The following SIAH1 variants were observed in gnomAD, a reference collection of about 807,000 sequenced individuals.
The protein encoded by SIAH1 is E3 ubiquitin-protein ligase SIAH1.
SIAH1 carries 2 observed loss-of-function variants against 20.0 expected under a neutral mutation model. That is an observed-to-expected ratio of 0.10 (90% confidence interval 0.04 to 0.31). SIAH1 has a LOEUF of 0.31. Ranked by LOEUF, SIAH1 falls within the 10% of genes least tolerant of loss-of-function variation. The pLI, the probability that SIAH1 is intolerant of heterozygous loss-of-function variation, is 1.00. For synonymous variants in SIAH1, 118 were observed against 125.3 expected (o/e 0.94, Z 0.39); for missense variants, 119 against 355.3 (o/e 0.33, Z 5.35).
At position 48,361,422 on chromosome 16, in the gene SIAH1, G is replaced by A; in HGVS notation, c.*158C>T. 1.5e-6 allele frequency: 1 copy of A among 658,924 alleles called. No individual in the cohort carries two copies. The highest frequency in any genetic ancestry group is 2.6e-6 in the Non-Finnish European group (1 of 385,658). 40.8% of individuals were successfully genotyped at this position (658,924 alleles called of 1,614,324 possible). On this transcript the variant is annotated 3_prime_UTR_variant, in exon 2 of 2. Transcript: ENST00000394725. Reference sequence around the variant, plus strand: ...TTTAAATATATTAGTGTTACTACATGCAACTGTTTCCTGTATTTAACAGCC... The same window carrying A: ...TTTAAATATATTAGTGTTACTACATACAACTGTTTCCTGTATTTAACAGCC...
intron 1 of SIAH1, among the ~76,000 whole-genome samples, chr16:48,369,833 C>G (rs1960937742): frequency 6.6e-6 from 1 of 152,214 alleles, no homozygotes; most frequent in South Asian, 2.1e-4. Context: ...TACTAAGCTC[C>G]TAACTTTGTC....
intron 1 of SIAH1, among the ~76,000 whole-genome samples, chr16:48,368,847 G>A (rs74742246): frequency 0.082 from 12,500 of 152,136 alleles, 553 homozygotes; most frequent in Middle Eastern, 0.11. Context: ...ATAGGTATCA[G>A]ATTACAAATT....
intron 1 of SIAH1, among the ~76,000 whole-genome samples, chr16:48,375,183 G>GT (rs1435457949): frequency 9.8e-5 from 15 of 152,326 alleles, no homozygotes; most frequent in Middle Eastern, 3.4e-3. Flanking sequence ...GAGTGAGTGT[G>GT]TATGGATGCC....
At position 48,381,735 on chromosome 16, in the gene SIAH1, A is replaced by G. The variant is rs189265215; in HGVS notation, c.-3+3469T>C. On this transcript the variant is annotated intron_variant, in intron 1 of 1. Coordinates refer to ENST00000394725, the MANE Select transcript of SIAH1 (RefSeq NM_003031.4). ...CTATGGTGACAATAAAAGAAAGAAG[A>G]TAAGTGGTTGGGGGTGTGGGGACAA... 3.0e-3 allele frequency among the ~76,000 whole-genome samples: 459 copies of G among 152,342 alleles called. 3 individuals are homozygous for G. Among genetic ancestry groups the G allele is most frequent in the Non-Finnish European group, 2.9e-3 (199 of 68,024 alleles).
At chr16:48,371,643 C>T (rs2151050393) in intron 1 of SIAH1, among the ~76,000 whole-genome samples, 1 of 152,282 alleles carries the variant, frequency 6.6e-6, no homozygotes, top group Middle Eastern at 3.4e-3. Flanking sequence ...CCACACATTA[C>T]TAAAATTTTT....
At chr16:48,379,250 G>C (rs1961193774) in intron 1 of SIAH1, among the ~76,000 whole-genome samples, 2 of 152,054 alleles carry the variant, frequency 1.3e-5, no homozygotes, top group African/African-American at 2.4e-5. Context: ...GGGGGGGCGA[G>C]GGGAAGGCAG....
intron 1 of SIAH1, among the ~76,000 whole-genome samples, chr16:48,368,982 A>ATAATACATT: frequency 6.6e-6 from 1 of 152,182 alleles, no homozygotes; most frequent in Non-Finnish European, 1.5e-5. Flanking sequence ...ACATTGTGGC[A>ATAATACATT]GGTATTATGT....
chr16:48,361,778 T>C lies in SIAH1; in HGVS notation c.651A>G (p.Gln217=). 1 of 1,614,184 alleles carries C rather than the reference T, an allele frequency of 6.2e-7. No homozygotes were observed. Among genetic ancestry groups the C allele is most frequent in the Non-Finnish European group, 8.5e-7 (1 of 1,180,024 alleles). Residue 217 remains glutamine, a synonymous_variant, in exon 2 of 2, where the codon CAA becomes CAG. Transcript: ENST00000394725. ...CAAGTCGGTAAGCAAAATTTTCAGC[T>C]TGCTTGCGTGTTCCTATCAGCTGTA... ...AIVQLIGTRK[Q]AENFAYRLEL... is the part of the protein sequence containing the mutation.
In SIAH1 at chr16:48,361,563, A is replaced by G. The variant is rs771707843; in HGVS notation, c.*17T>C. On this transcript the variant is annotated 3_prime_UTR_variant, in exon 2 of 2. Coordinates refer to ENST00000394725, the MANE Select transcript of SIAH1 (RefSeq NM_003031.4). ...CTGAAGTTTTAAACACTGGCCAGAA[A>G]ATGTTTGATTGCCATTTCAACACAT... 4.4e-6 allele frequency: 7 copies of G among 1,608,452 alleles called. No individual in the cohort carries two copies. The highest frequency in any genetic ancestry group is 5.9e-6 in the Non-Finnish European group (7 of 1,177,568).
chr16:48,376,972 T>C (rs1217440731), intron 1 of SIAH1, among the ~76,000 whole-genome samples: 1 of 152,202 alleles, frequency 6.6e-6, no homozygotes, highest in African/African-American at 2.4e-5. Context: ...AAGTAATCTT[T>C]CCAAGGTAGA....
Position 48,362,446 on chromosome 16 carries a change from A to G in SIAH1, c.-2-16T>C. 6.2e-7 allele frequency: 1 copy of G among 1,611,952 alleles called. No individual in the cohort carries two copies. The highest frequency in any genetic ancestry group is 8.5e-7 in the Non-Finnish European group (1 of 1,178,426). On this transcript the variant is annotated splice_polypyrimidine_tract_variant and intron_variant, in intron 1 of 1. Transcript: ENST00000394725. This position sits in a 1 kb window ranked among gnomAD's most constrained non-coding sequence, Gnocchi z 4.2. ...CGGCTCATTTCTGAAATAAATACAT[A>G]AGGAGGCAGGAGAAAAATAATTATA...
intron 1 of SIAH1, among the ~76,000 whole-genome samples, chr16:48,372,001 A>G (rs1377290190): frequency 6.6e-6 from 1 of 151,680 alleles, no homozygotes; most frequent in Non-Finnish European, 1.5e-5. Context: ...GTAGGTAAGT[A>G]TGTATACACA....
intron 1 of SIAH1, among the ~76,000 whole-genome samples, chr16:48,372,340 T>G (rs575220113): frequency 6.6e-6 from 1 of 152,334 alleles, no homozygotes; most frequent in East Asian, 1.9e-4. Context: ...GCAAACCATT[T>G]TAGTTATTTC....
intron 1 of SIAH1, among the ~76,000 whole-genome samples, chr16:48,376,407 G>A (rs1961110613): frequency 6.6e-6 from 1 of 151,800 alleles, no homozygotes; most frequent in Non-Finnish European, 1.5e-5. Context: ...TCAAATAGAT[G>A]GATACTTACA....
chr16:48,377,749 A>G (rs1053322640), intron 1 of SIAH1, among the ~76,000 whole-genome samples: 9 of 151,956 alleles, frequency 5.9e-5, no homozygotes, highest in African/African-American at 2.2e-4. Context: ...GTCAGAAAGT[A>G]TTTGAGATGG....
rs370886773 is a variant in SIAH1 at position 48,369,856 on chromosome 16, C to G, written c.-2-7426G>C. Among the ~76,000 whole-genome samples the G allele has an allele frequency of 2.4e-4, 36 of 152,320 alleles. No homozygotes were observed. In the South Asian group the frequency reaches 7.5e-3, roughly 32 times the overall value. The stretch of plus-strand genomic sequence containing the variant: ...TCCTAACTTTGTCAAAGCAATTAAT[C>G]AAACCTAACTACACCTGAATCCTTA... On this transcript the variant is annotated intron_variant, in intron 1 of 1. Transcript: ENST00000394725.
chr16:48,383,900 G>A (rs536944175), intron 1 of SIAH1, among the ~76,000 whole-genome samples: 3 of 152,334 alleles, frequency 2.0e-5, no homozygotes, highest in African/African-American at 7.2e-5. Context: ...TTAAACTACA[G>A]TCTTAACAGT....
intron 1 of SIAH1, among the ~76,000 whole-genome samples, chr16:48,378,077 C>T (rs937743897): frequency 3.3e-5 from 5 of 152,100 alleles, no homozygotes; most frequent in Non-Finnish European, 5.9e-5. Context: ...ACAGGCCGGG[C>T]GCAGTGGCTC....
At chr16:48,375,377 G>A (rs1004341313) in intron 1 of SIAH1, among the ~76,000 whole-genome samples, 2 of 152,326 alleles carry the variant, frequency 1.3e-5, no homozygotes, top group South Asian at 2.1e-4. Flanking sequence ...AGTAGCTCAC[G>A]CCTGTAATCC....
Sources: allele counts gnomAD v4.1 joint callset (sites outside exome capture counted in the v4.1 genomes callset), GRCh38; gene constraint gnomAD v4.1.1; non-coding constraint Gnocchi (gnomAD v3.1); transcripts MANE v1.5; gene names NCBI Gene and HGNC (gene_info 2026-07-23, HGNC 2026-07-21).